The following CDCP1 variants were observed in gnomAD, a reference collection of about 807,000 sequenced individuals.
CDCP1 encodes CUB domain containing protein 1, also known as CUB domain-containing protein 1.
Under a neutral mutation model 60.2 loss-of-function variants are expected in CDCP1, and 29 were observed. The observed-to-expected ratio is 0.48, with a 90% CI of 0.36 to 0.66. The LOEUF (loss-of-function observed/expected upper bound fraction) is 0.66, where lower values mean the gene tolerates loss of function less well. CDCP1 is among the 30% of genes least tolerant of loss of function. CDCP1 has a pLI of 0.00. For missense variants in CDCP1, 876 were observed against 1,074.3 expected, an observed-to-expected ratio of 0.82 and a Z score of 2.58; for synonymous variants, 387 against 431.1, an observed-to-expected ratio of 0.90 and a Z score of 1.27.
At chr3:45,144,538 G>A (rs922136140) in intron 1 of CDCP1, among the ~76,000 whole-genome samples, 2 of 152,206 alleles carry the variant, frequency 1.3e-5, no homozygotes, top group Non-Finnish European at 2.9e-5. Context: ...TCCTGGAAGG[G>A]ACTCCATTGG....
rs186300372 is a variant in CDCP1, at chr3:45,114,444, T to C, written c.293-1999A>G. Among the ~76,000 whole-genome samples, 137 of 150,300 alleles carry C rather than the reference T, an allele frequency of 9.1e-4. 1 individual carries two copies. The highest frequency in any genetic ancestry group is 3.3e-3 in the African/African-American group (136 of 40,632). Reference sequence around the variant, plus strand: ...TTTTTTTTTCTTTTTGGAGATGCAGTCTTGCTCTGTCACCCAAGCTGGAAT... The same window carrying C: ...TTTTTTTTTCTTTTTGGAGATGCAGCCTTGCTCTGTCACCCAAGCTGGAAT... On this transcript the variant is annotated intron_variant, in intron 2 of 8. Coordinates refer to ENST00000296129, the MANE Select transcript of CDCP1 (RefSeq NM_022842.5).
intron 1 of CDCP1, among the ~76,000 whole-genome samples, chr3:45,135,666 A>G: frequency 6.6e-6 from 1 of 152,192 alleles, no homozygotes; most frequent in East Asian, 1.9e-4. Context: ...ATTGGTAATT[A>G]ATAACAGAGC....
At chr3:45,135,938 T>C (rs1699184206) in intron 1 of CDCP1, among the ~76,000 whole-genome samples, 1 of 152,212 alleles carries the variant, frequency 6.6e-6, no homozygotes, top group Non-Finnish European at 1.5e-5. Flanking sequence ...TTTAGGTTTT[T>C]TCAAAACATA....
chr3:45,127,237 C>T (rs2126004595), intron 1 of CDCP1, among the ~76,000 whole-genome samples: 1 of 152,332 alleles, frequency 6.6e-6, no homozygotes, highest in South Asian at 2.1e-4. Flanking sequence ...TTAAATTCCA[C>T]AGAATTTGAA....
rs200580746 is a variant in CDCP1 at position 45,091,530 on chromosome 3, C to T, written c.1636G>A (p.Val546Ile). ...SFIPYFKEEG[V>I]FTVTPDTKSK... ...TTTGTGTCAGGGGTCACCGTGAAAA[C>T]GCCTTCCTCTGCAGGAAAGGGAGGG... Residue 546 changes from valine to isoleucine, a missense_variant, in exon 7 of 9, where the codon GTT becomes ATT. Val to Ile is a conservative substitution (Grantham distance 29). Around this residue, in one of 2 missense-constraint regions of CDCP1, gnomAD observed 726 missense variants for 935.7 expected, o/e 0.78. Coordinates refer to ENST00000296129, the MANE Select transcript of CDCP1 (RefSeq NM_022842.5). This position sits in a 1 kb window ranked among gnomAD's most constrained non-coding sequence, Gnocchi z 4.8. 4.2e-5 allele frequency: 67 copies of T among 1,599,794 alleles called. No individual in the cohort carries two copies. The highest frequency in any genetic ancestry group is 3.3e-4 in the Middle Eastern group (2 of 6,034).
intron 1 of CDCP1, among the ~76,000 whole-genome samples, chr3:45,136,975 A>T (rs1699201038): frequency 6.6e-6 from 1 of 152,216 alleles, no homozygotes; most frequent in South Asian, 2.1e-4. Context: ...TATACAATTG[A>T]TACTGGTGAA....
chr3:45,089,799 C>A (rs537426179), intron 7 of CDCP1, among the ~76,000 whole-genome samples: 3 of 152,296 alleles, frequency 2.0e-5, no homozygotes, highest in South Asian at 4.1e-4. Context: ...AGGTGTGTTC[C>A]ACTGATTGCC....
chr3:45,134,326 G>A (rs1261242869), intron 1 of CDCP1, among the ~76,000 whole-genome samples: 13 of 152,170 alleles, frequency 8.5e-5, no homozygotes, highest in Middle Eastern at 3.4e-3. Context: ...GGGTTTCACC[G>A]TGTTAGCCAG....
intron 1 of CDCP1, among the ~76,000 whole-genome samples, chr3:45,126,705 T>C (rs570562699): frequency 4.3e-4 from 66 of 152,280 alleles, no homozygotes; most frequent in African/African-American, 1.6e-3. Context: ...AGAAAAACCT[T>C]TGGAATCTAG....
chr3:45,087,674 T>C (rs1270938937), intron 8 of CDCP1, among the ~76,000 whole-genome samples: 2 of 152,212 alleles, frequency 1.3e-5, no homozygotes, highest in Non-Finnish European at 2.9e-5. Context: ...GACAGTCTTG[T>C]TGTAGACTAG....
intron 2 of CDCP1, among the ~76,000 whole-genome samples, chr3:45,117,972 C>G (rs935706722): frequency 1.3e-5 from 2 of 152,100 alleles, no homozygotes; most frequent in African/African-American, 4.8e-5. Flanking sequence ...TCTCCTCAAC[C>G]TTCTGATTCT....
chr3:45,127,957 C>A (rs1699030740), intron 1 of CDCP1, among the ~76,000 whole-genome samples: 2 of 152,172 alleles, frequency 1.3e-5, no homozygotes, highest in Non-Finnish European at 2.9e-5. Flanking sequence ...GGTGGCAGGG[C>A]AGGTGACCAT....
chr3:45,140,255 T>C (rs1699265793), intron 1 of CDCP1, among the ~76,000 whole-genome samples: 1 of 152,040 alleles, frequency 6.6e-6, no homozygotes, highest in African/African-American at 2.4e-5. Context: ...ACTCAGGGAG[T>C]TGATAAAACT....
chr3:45,126,192 C>T (rs200068807), intron 1 of CDCP1, among the ~76,000 whole-genome samples: 43 of 36,674 alleles, frequency 1.2e-3, no homozygotes, highest in African/African-American at 2.3e-3. Context: ...CTCTCTCTCT[C>T]TCTTTCTTTC....
At chr3:45,146,384 A>C, upstream of CDCP1, 1 of 1,080,000 alleles carries the variant, frequency 9.3e-7, no homozygotes, top group Non-Finnish European at 1.3e-6. Flanking sequence ...GCCCTGGCTC[A>C]CTCACCTGCG....
chr3:45,094,950 T>A (rs1288872645), intron 5 of CDCP1, among the ~76,000 whole-genome samples: 6 of 151,422 alleles, frequency 4.0e-5, no homozygotes, highest in African/African-American at 1.5e-4. Flanking sequence ...GGGTTTTTTT[T>A]TTTTTTTTGA....
At chr3:45,095,043 C>T (rs1461446183) in intron 5 of CDCP1, among the ~76,000 whole-genome samples, 1 of 151,754 alleles carries the variant, frequency 6.6e-6, no homozygotes, top group African/African-American at 2.4e-5. Flanking sequence ...AGGCCATTCT[C>T]CTGCTTCAGC....
chr3:45,126,122 CT>C (rs1242260438), intron 1 of CDCP1, among the ~76,000 whole-genome samples: 1,884 of 135,304 alleles, frequency 0.014, 37 homozygotes, highest in Middle Eastern at 0.025. Context: ...TTCTTTCTTT[CT>C]TTCTTTCTTT....
chr3:45,122,140 C>T (rs1698896206), intron 1 of CDCP1, among the ~76,000 whole-genome samples: 2 of 139,790 alleles, frequency 1.4e-5, no homozygotes, highest in Admixed American at 7.4e-5. Context: ...AATGTATAAT[C>T]TGTATTTTTT....
Sources: gnomAD v4.1 joint callset for allele counts (sites outside exome capture counted in the v4.1 genomes callset) on GRCh38, gnomAD v4.1.1 for gene constraint, gnomAD v4.1.1 regional missense constraint, Gnocchi (gnomAD v3.1) non-coding constraint, MANE v1.5 for transcripts, NCBI Gene and HGNC (gene_info 2026-07-23, HGNC 2026-07-21) for gene names.